Variants in PCDHGA12 observed in about 807,000 individuals in gnomAD.
PCDHGA12 encodes protocadherin gamma subfamily A, 12, also known as protocadherin gamma-A12.
In PCDHGA12, 43 loss-of-function variants were observed where a neutral mutation model predicts 61.1. The observed-to-expected ratio is 0.70, with a 90% CI of 0.55 to 0.91. The LOEUF (loss-of-function observed/expected upper bound fraction) is 0.91. PCDHGA12 is among the 40% of genes least tolerant of loss of function. The pLI is 0.00. For synonymous variants in PCDHGA12, 520 were observed against 542.9 expected (o/e 0.96, Z 0.59); for missense variants, 1,236 against 1,227.7 (o/e 1.01, Z -0.10).
At chr5:141,450,679 G>A (rs2098690217) in intron 1 of PCDHGA12, among the ~76,000 whole-genome samples, 2 of 151,914 alleles carry the variant, frequency 1.3e-5, no homozygotes, top group Non-Finnish European at 2.9e-5. Context: ...TAGAAACGGG[G>A]TTTTGCCATG....
intron 2 of PCDHGA12, among the ~76,000 whole-genome samples, chr5:141,495,521 C>G (rs1385879589): frequency 6.6e-6 from 1 of 152,144 alleles, no homozygotes; most frequent in Non-Finnish European, 1.5e-5. Flanking sequence ...TTTCTCTTAC[C>G]TCTCAGTCCT....
At chr5:141,508,841 C>G (rs969875150) in intron 3 of PCDHGA12, among the ~76,000 whole-genome samples, 1 of 152,140 alleles carries the variant, frequency 6.6e-6, no homozygotes, top group Admixed American at 6.5e-5. Flanking sequence ...TCCCCTACCC[C>G]TTCCATTCCC....
In PCDHGA12 at chr5:141,487,680, A is replaced by G; in HGVS notation, c.2425-7127A>G. On this transcript the variant is annotated intron_variant, in intron 1 of 3. Coordinates refer to ENST00000252085, the MANE Select transcript of PCDHGA12 (RefSeq NM_003735.3). This position sits in a 1 kb window ranked among gnomAD's most constrained non-coding sequence, Gnocchi z 5.0. ...TCTGATCCAGGCATATGGCTAGGCC[A>G]TGTCCTAGAGAGTACTGGCCTCTCA... 6.2e-7 allele frequency: 1 copy of G among 1,609,370 alleles called. No individual in the cohort carries two copies. The highest frequency in any genetic ancestry group is 2.2e-5 in the East Asian group (1 of 44,826).
Position 141,485,448 on chromosome 5 carries a change from G to A in PCDHGA12, c.2425-9359G>A. On this transcript the variant is annotated intron_variant, in intron 1 of 3. Coordinates refer to ENST00000252085, the MANE Select transcript of PCDHGA12 (RefSeq NM_003735.3). This position sits in a 1 kb window ranked among gnomAD's most constrained non-coding sequence, Gnocchi z 5.7. ...CTGCTCATCAAGAACCCAATCGACC[G>A]AGAGGCACTGTGTGGGCTCAGTGCC... is the stretch of plus-strand genomic sequence containing the variant. 1 of 1,614,154 alleles carries A rather than the reference G, an allele frequency of 6.2e-7. No homozygotes were observed.
Position 141,490,252 on chromosome 5 carries a change from G to A in PCDHGA12, c.2425-4555G>A, listed in dbSNP as rs150107963. The A allele has an allele frequency of 1.9e-6, 3 of 1,614,252 alleles. No homozygotes were observed. Among genetic ancestry groups the A allele is most frequent in the Non-Finnish European group, 1.7e-6 (2 of 1,180,046 alleles). The stretch of plus-strand genomic sequence containing the variant: ...CATGGAGGGCCACTGTGTGATTCAA[G>A]TGGATGTGGGGGATGTCAATGACAA... On this transcript the variant is annotated intron_variant, in intron 1 of 3. Coordinates refer to ENST00000252085, the MANE Select transcript of PCDHGA12 (RefSeq NM_003735.3). This position sits in a 1 kb window ranked among gnomAD's most constrained non-coding sequence, Gnocchi z 5.4.
chr5:141,454,546 A>G (rs1342532359), intron 1 of PCDHGA12, among the ~76,000 whole-genome samples: 1 of 152,098 alleles, frequency 6.6e-6, no homozygotes, highest in African/African-American at 2.4e-5. Flanking sequence ...AGCTGAGATT[A>G]CAGGCATGTG....
Position 141,511,843 on chromosome 5 carries a change from GT to G in PCDHGA12, c.*674del, listed in dbSNP as rs1413398495. On this transcript the variant is annotated 3_prime_UTR_variant, in exon 4 of 4. Coordinates refer to ENST00000252085, the MANE Select transcript of PCDHGA12 (RefSeq NM_003735.3). ...CCAACGCCCTGGGGACCAGTCTTCT[GT>G]TTTGTTTTTCATTGTTTGACGTTTC... 1 of 156,550 alleles carries G rather than the reference GT, an allele frequency of 6.4e-6. No individual in the cohort carries two copies. The highest frequency in any genetic ancestry group is 2.4e-5 in the African/African-American group (1 of 41,452). The allele number at this position is 156,550 out of a possible 1,614,324, so 9.7% of individuals were successfully genotyped here. A position where few individuals can be genotyped will look rare whatever the true frequency, so the allele number is the denominator to read the frequency against.
chr5:141,487,041 G>T lies in PCDHGA12; in HGVS notation c.2425-7766G>T, dbSNP rs149314216. Reference sequence around the variant, plus strand: ...GATCCCAGCCTGTTTGCAGTCTCTCGATATGCTGGGGAGGTGCGGACGGCT... The same window carrying T: ...GATCCCAGCCTGTTTGCAGTCTCTCTATATGCTGGGGAGGTGCGGACGGCT... On this transcript the variant is annotated intron_variant, in intron 1 of 3. Transcript: ENST00000252085. This position sits in a 1 kb window ranked among gnomAD's most constrained non-coding sequence, Gnocchi z 5.0. 6.2e-7 allele frequency: 1 copy of T among 1,614,132 alleles called. No homozygotes were observed. The highest frequency in any genetic ancestry group is 8.5e-7 in the Non-Finnish European group (1 of 1,180,030).
rs1342481070 is a variant in PCDHGA12 at position 141,485,056 on chromosome 5, C to T, written c.2425-9751C>T. 8 of 840,338 alleles carry T rather than the reference C, an allele frequency of 9.5e-6. No homozygotes were observed. The Admixed American group carries it at 1.9e-4, about 20-fold the overall frequency. 52.1% of individuals were successfully genotyped at this position (840,338 alleles called of 1,614,324 possible). A position where few individuals can be genotyped will look rare whatever the true frequency, so the allele number is the denominator to read the frequency against. The stretch of plus-strand genomic sequence containing the variant: ...CGTAACCCTTGCGGCGCCGGCCGAA[C>T]CGCGCCAGAGCTGGCGCGGGGAAAG... On this transcript the variant is annotated intron_variant, in intron 1 of 3. Transcript: ENST00000252085. The surrounding 1 kb of genome is among the most constrained non-coding windows in gnomAD (Gnocchi z 5.7).
chr5:141,491,493 G>A lies in PCDHGA12; in HGVS notation c.2425-3314G>A, dbSNP rs1008591563. On this transcript the variant is annotated intron_variant, in intron 1 of 3. Transcript: ENST00000252085. This position sits in a 1 kb window ranked among gnomAD's most constrained non-coding sequence, Gnocchi z 6.9. ...AGCAGTCCAGCCCCAACCTGCAGGT[G>A]AGCTCGGACGGCACGCTCAAGTACA... 6.2e-7 allele frequency: 1 copy of A among 1,614,000 alleles called. No homozygotes were observed. Among genetic ancestry groups the A allele is most frequent in the African/African-American group, 1.3e-5 (1 of 74,928 alleles).
At chr5:141,467,747 C>T (rs56743829) in intron 1 of PCDHGA12, among the ~76,000 whole-genome samples, 7,097 of 152,110 alleles carry the variant, frequency 0.047, 213 homozygotes, top group Middle Eastern at 0.092. Context: ...CTGCAACCTC[C>T]GCCTCACATG....
intron 1 of PCDHGA12, among the ~76,000 whole-genome samples, chr5:141,454,796 A>AT (rs61612330): frequency 0.026 from 2,045 of 77,400 alleles, 387 homozygotes; most frequent in East Asian, 0.04. Flanking sequence ...CATGGTTCTA[A>AT]TTTTTTTTTT....
chr5:141,476,267 G>T lies in PCDHGA12; in HGVS notation c.2425-18540G>T, dbSNP rs373758158. 15 of 1,614,056 alleles carry T rather than the reference G, an allele frequency of 9.3e-6. No homozygotes were observed. In the South Asian group the frequency reaches 1.6e-4, roughly 18 times the overall value. On this transcript the variant is annotated intron_variant, in intron 1 of 3. Transcript: ENST00000252085. This position sits in a 1 kb window ranked among gnomAD's most constrained non-coding sequence, Gnocchi z 7.6. ...GAAGGGTTTCGCTGTGGGCAACGTGGTCGCGAACCTTGGTTTGGATCTCGG... is the reference window on the plus strand; with the variant it reads ...GAAGGGTTTCGCTGTGGGCAACGTGTTCGCGAACCTTGGTTTGGATCTCGG...
At position 141,477,868 on chromosome 5, in the gene PCDHGA12, C is replaced by G; in HGVS notation, c.2425-16939C>G. Reference sequence around the variant, plus strand: ...CGGTGGAGATGCTGCCTCGAGGTACCTCAGCTGGCCACCTAGTGTCACGGG... The same window carrying G: ...CGGTGGAGATGCTGCCTCGAGGTACGTCAGCTGGCCACCTAGTGTCACGGG... On this transcript the variant is annotated intron_variant, in intron 1 of 3. Coordinates refer to ENST00000252085, the MANE Select transcript of PCDHGA12 (RefSeq NM_003735.3). The surrounding 1 kb of genome is among the most constrained non-coding windows in gnomAD (Gnocchi z 4.9). 1 of 1,613,750 alleles carries G rather than the reference C, an allele frequency of 6.2e-7. No individual in the cohort carries two copies. Among genetic ancestry groups the G allele is most frequent in the Non-Finnish European group, 8.5e-7 (1 of 1,179,908 alleles).
At chr5:141,478,862 C>A in intron 1 of PCDHGA12, 1 of 1,326,032 alleles carries the variant, frequency 7.5e-7, no homozygotes, top group Non-Finnish European at 1.0e-6. Context: ...AAGATCTCAG[C>A]GATCAGAGTT....
chr5:141,477,512 A>G lies in PCDHGA12; in HGVS notation c.2425-17295A>G. 1.9e-6 allele frequency: 3 copies of G among 1,614,156 alleles called. No homozygotes were observed. Among genetic ancestry groups the G allele is most frequent in the South Asian group, 2.2e-5 (2 of 91,072 alleles). ...TTCTCAATCTTCCTACGACGTTTAC[A>G]TTGAAGAAAACAACCTCCCCGGGGC... On this transcript the variant is annotated intron_variant, in intron 1 of 3. Transcript: ENST00000252085. This position sits in a 1 kb window ranked among gnomAD's most constrained non-coding sequence, Gnocchi z 4.9.
intron 2 of PCDHGA12, among the ~76,000 whole-genome samples, chr5:141,502,408 G>A (rs1197275813): frequency 6.6e-6 from 1 of 151,782 alleles, no homozygotes; most frequent in Non-Finnish European, 1.5e-5. Context: ...CCCGAACCTG[G>A]ATTTGCTGGC....
At position 141,505,406 on chromosome 5, in the gene PCDHGA12, G is replaced by A. The variant is rs546453598; in HGVS notation, c.2497G>A (p.Asp833Asn). 61 of 1,614,174 alleles carry A rather than the reference G, an allele frequency of 3.8e-5. No individual in the cohort carries two copies. The highest frequency in any genetic ancestry group is 1.1e-4 in the East Asian group (5 of 44,866). ...RPGTSGSQNG[D>N]DTGTWPNNQF... Reference sequence around the variant, plus strand: ...CTCTCTCCCCAGCTCCCAAAATGGCGATGACACCGGCACCTGGCCCAACAA... The same window carrying A: ...CTCTCTCCCCAGCTCCCAAAATGGCAATGACACCGGCACCTGGCCCAACAA... Residue 833 changes from aspartate to asparagine, a missense_variant, in exon 3 of 4, where the codon GAT (aspartate) becomes AAT (asparagine). Transcript: ENST00000252085.
chr5:141,442,898 TCTC>T (rs1427810429), intron 1 of PCDHGA12, among the ~76,000 whole-genome samples: 14 of 152,222 alleles, frequency 9.2e-5, no homozygotes, highest in Admixed American at 9.2e-4. Context: ...GCTTATCACT[TCTC>T]CTTCAGCACA....
Sources: allele counts gnomAD v4.1 joint callset (sites outside exome capture counted in the v4.1 genomes callset), GRCh38; gene constraint gnomAD v4.1.1; non-coding constraint Gnocchi (gnomAD v3.1); transcripts MANE v1.5; gene names NCBI Gene and HGNC (gene_info 2026-07-23, HGNC 2026-07-21).